DLG2: variants seen among roughly 807,000 people sequenced by gnomAD.
The protein encoded by DLG2 is disks large homolog 2.
Under a neutral mutation model 132.5 loss-of-function variants are expected in DLG2, and 45 were observed. The observed-to-expected ratio is 0.34, with a 90% CI of 0.27 to 0.44. The LOEUF (loss-of-function observed/expected upper bound fraction) is 0.44. Among genes scored for constraint, DLG2 ranks in the 20% least tolerant of loss-of-function variants. DLG2 has a pLI of 1.00. For missense variants in DLG2, 1,045 were observed against 1,196.9 expected (o/e 0.87, Z 1.87); for synonymous variants, 424 against 419.6 (o/e 1.01, Z -0.13).
intron 4 of DLG2, among the ~76,000 whole-genome samples, chr11:85,275,756 G>A (rs187942633): frequency 6.6e-6 from 1 of 152,214 alleles, no homozygotes; most frequent in East Asian, 1.9e-4. Context: ...AACATTTACT[G>A]GGAAGTTAAT....
chr11:83,916,765 T>C (rs888505809), intron 15 of DLG2, among the ~76,000 whole-genome samples: 7 of 152,318 alleles, frequency 4.6e-5, no homozygotes, highest in Middle Eastern at 3.4e-3. Context: ...ATTTCCTTCC[T>C]TCCGGTCTTG....
intron 5 of DLG2, among the ~76,000 whole-genome samples, chr11:85,135,781 A>G (rs182197792): frequency 3.9e-5 from 6 of 152,336 alleles, no homozygotes; most frequent in Non-Finnish European, 8.8e-5. Flanking sequence ...CATTCATTCA[A>G]CAAATATACT....
At chr11:84,532,868 AG>A (rs1166564159) in intron 7 of DLG2, among the ~76,000 whole-genome samples, 7 of 152,156 alleles carry the variant, frequency 4.6e-5, no homozygotes, top group Admixed American at 2.0e-4. Flanking sequence ...CCTTCAATGC[AG>A]TTCAGTCTCT....
chr11:84,852,634 A>C (rs1021216477), intron 6 of DLG2, among the ~76,000 whole-genome samples: 1 of 151,292 alleles, frequency 6.6e-6, no homozygotes, highest in East Asian at 1.9e-4. Flanking sequence ...AGTATAAGAC[A>C]GTATATACTT....
At chr11:85,047,272 T>C (rs1281814945) in intron 6 of DLG2, among the ~76,000 whole-genome samples, 5 of 152,000 alleles carry the variant, frequency 3.3e-5, no homozygotes, top group African/African-American at 7.2e-5. Context: ...TTAAGTACCT[T>C]GGGCATTTCA....
intron 4 of DLG2, among the ~76,000 whole-genome samples, chr11:85,199,947 T>TTC (rs2081333326): frequency 6.6e-6 from 1 of 151,926 alleles, no homozygotes; most frequent in Non-Finnish European, 1.5e-5. Context: ...AATTACTTTT[T>TTC]TTTTTTTTTT....
At chr11:85,273,943 A>G (rs989420658) in intron 4 of DLG2, among the ~76,000 whole-genome samples, 2 of 152,202 alleles carry the variant, frequency 1.3e-5, no homozygotes, top group African/African-American at 4.8e-5. Context: ...GAATGAGTTC[A>G]TGTTCTTTGT....
At chr11:85,458,952 C>T (rs996121579) in intron 3 of DLG2, among the ~76,000 whole-genome samples, 1 of 152,144 alleles carries the variant, frequency 6.6e-6, no homozygotes, top group Non-Finnish European at 1.5e-5. Context: ...TCTTGGGGTT[C>T]CAACCCAGAG....
intron 6 of DLG2, among the ~76,000 whole-genome samples, chr11:84,857,824 T>C: frequency 6.6e-6 from 1 of 152,192 alleles, no homozygotes. Flanking sequence ...TGACATCTTG[T>C]TATTTCAATT....
intron 4 of DLG2, among the ~76,000 whole-genome samples, chr11:85,175,844 G>C (rs1449207038): frequency 1.3e-5 from 2 of 152,088 alleles, no homozygotes; most frequent in African/African-American, 4.8e-5. Context: ...GCCAAATCAT[G>C]AATGAATTCC....
chr11:85,015,341 T>C (rs541562479), intron 6 of DLG2, among the ~76,000 whole-genome samples: 4 of 152,162 alleles, frequency 2.6e-5, no homozygotes, highest in African/African-American at 4.8e-5. Context: ...GTCCAACATT[T>C]TATTCTTTAA....
chr11:84,100,912 A>G (rs1000597326), intron 9 of DLG2, among the ~76,000 whole-genome samples: 6 of 152,132 alleles, frequency 3.9e-5, no homozygotes, highest in Admixed American at 3.9e-4. Context: ...TATTTATTAC[A>G]TATGTTGAAA....
intron 3 of DLG2, among the ~76,000 whole-genome samples, chr11:85,322,937 A>C (rs1035827965): frequency 1.3e-5 from 2 of 152,222 alleles, no homozygotes; most frequent in African/African-American, 4.8e-5. Flanking sequence ...AAATAGGATA[A>C]TCTTTTAAAA....
At chr11:85,537,578 C>A (rs1209143169) in intron 3 of DLG2, among the ~76,000 whole-genome samples, 1 of 149,386 alleles carries the variant, frequency 6.7e-6, no homozygotes, top group Non-Finnish European at 1.5e-5. Flanking sequence ...AGACGTGCCA[C>A]CTTTGTGAAC....
intron 3 of DLG2, among the ~76,000 whole-genome samples, chr11:85,325,128 C>A (rs7934712): frequency 0.12 from 10,876 of 93,648 alleles, 445 homozygotes; most frequent in Non-Finnish European, 0.16. Context: ...CCTACGCCCA[C>A]GGAATCTCGC....
At chr11:84,842,023 T>C (rs1169318232) in intron 6 of DLG2, among the ~76,000 whole-genome samples, 1 of 151,992 alleles carries the variant, frequency 6.6e-6, no homozygotes, top group Non-Finnish European at 1.5e-5. Context: ...AACACCTTTA[T>C]GGCTATTTTT....
At chr11:84,558,685 C>T (rs2154525694) in intron 6 of DLG2, among the ~76,000 whole-genome samples, 1 of 152,258 alleles carries the variant, frequency 6.6e-6, no homozygotes, top group South Asian at 2.1e-4. Flanking sequence ...ACACACACCA[C>T]TTTTTATTCC....
chr11:84,611,463 A>T (rs760928468), intron 6 of DLG2, among the ~76,000 whole-genome samples: 5 of 152,108 alleles, frequency 3.3e-5, no homozygotes, highest in Non-Finnish European at 7.4e-5. Flanking sequence ...AGGTCCCTGG[A>T]AGCCTGATGG....
At chr11:84,509,393 A>G (rs1303263111) in intron 7 of DLG2, among the ~76,000 whole-genome samples, 2 of 152,206 alleles carry the variant, frequency 1.3e-5, no homozygotes, top group African/African-American at 2.4e-5. Context: ...TTAGTATGAG[A>G]TCTCTTATAT....
Sources: allele counts gnomAD v4.1 joint callset (sites outside exome capture counted in the v4.1 genomes callset), GRCh38; gene constraint gnomAD v4.1.1; transcripts MANE v1.5; gene names NCBI Gene and HGNC (gene_info 2026-07-23, HGNC 2026-07-21).